Variants in DNAJC2 observed in about 807,000 individuals in gnomAD.
The protein encoded by DNAJC2 is dnaJ homolog subfamily C member 2.
Under a neutral mutation model 94.0 loss-of-function variants are expected in DNAJC2, and 32 were observed. The ratio of observed to expected loss-of-function variants is 0.34; its 90% CI spans 0.26 to 0.46. The LOEUF (loss-of-function observed/expected upper bound fraction) is 0.46. DNAJC2 is among the 20% of genes least tolerant of loss of function. DNAJC2 has a pLI of 1.00. For missense variants in DNAJC2, 550 were observed against 719.5 expected (o/e 0.76, Z 2.69); for synonymous variants, 210 against 229.7 (o/e 0.91, Z 0.77).
At chr7:103,337,490 T>C (rs1563473358) in intron 3 of DNAJC2, 4 of 363,202 alleles carry the variant, frequency 1.1e-5, no homozygotes, top group Non-Finnish European at 2.0e-5. Flanking sequence ...GAGTATTTTG[T>C]ATCCACACAC....
chr7:103,334,590 G>C (rs535194026), intron 3 of DNAJC2, among the ~76,000 whole-genome samples: 2 of 146,488 alleles, frequency 1.4e-5, no homozygotes, highest in South Asian at 4.5e-4. Flanking sequence ...AAAAAGAAAA[G>C]AAATCTTGAA....
intron 2 of DNAJC2, among the ~76,000 whole-genome samples, chr7:103,338,130 T>C (rs1819245344): frequency 6.6e-6 from 1 of 151,968 alleles, no homozygotes. Context: ...ATTAGCTGGG[T>C]GTGGTGGTGT....
At position 103,342,703 on chromosome 7, in the gene DNAJC2, G is replaced by C. The variant is rs928453374; in HGVS notation, c.65-749C>G. On this transcript the variant is annotated intron_variant, in intron 1 of 16. Coordinates refer to ENST00000379263, the MANE Select transcript of DNAJC2 (RefSeq NM_014377.3). ...GGCTCACTGAAAGCTCCGCCTCCCG[G>C]GTTCAAGCGATTCTCCTGCCTCAGC... Among the ~76,000 whole-genome samples, 8 of 151,854 alleles carry C rather than the reference G, an allele frequency of 5.3e-5. No individual in the cohort carries two copies. In the East Asian group the frequency reaches 1.4e-3, roughly 26 times the overall value.
chr7:103,330,634 T>G (rs1164861597), intron 3 of DNAJC2, among the ~76,000 whole-genome samples: 2 of 151,832 alleles, frequency 1.3e-5, no homozygotes, highest in East Asian at 3.9e-4. Context: ...ATATTTTTAG[T>G]AGAGACAGGG....
intron 1 of DNAJC2, among the ~76,000 whole-genome samples, chr7:103,342,983 T>C (rs900293411): frequency 3.8e-4 from 58 of 151,916 alleles, no homozygotes; most frequent in Admixed American, 1.3e-4. Context: ...AAATAAAAAA[T>C]CTAAAAACAA....
In DNAJC2 at chr7:103,327,658, T is replaced by G; in HGVS notation, c.428A>C (p.Lys143Thr). The G allele has an allele frequency of 6.3e-7, 1 of 1,585,464 alleles. No individual in the cohort carries two copies. The highest frequency in any genetic ancestry group is 8.6e-7 in the Non-Finnish European group (1 of 1,158,512). ...GDNDYFTCIT[K>T]AYEMLSDPVK... ...CTGACTCTAAAGCATTTTCTTACCT[T>G]TAGTTATGCAAGTGAAGTAGTCATT... Residue 143 changes from lysine to threonine, a missense_variant and splice_region_variant, in exon 4 of 17, where the codon AAA becomes ACA. Coordinates refer to ENST00000379263, the MANE Select transcript of DNAJC2 (RefSeq NM_014377.3).
intron 10 of DNAJC2, among the ~76,000 whole-genome samples, chr7:103,321,202 CAAT>C (rs1298499768): frequency 2.6e-5 from 4 of 151,552 alleles, no homozygotes; most frequent in African/African-American, 9.7e-5. Context: ...TCAACAACAA[CAAT>C]AACAAAAACT....
chr7:103,330,271 T>C (rs951529394), intron 3 of DNAJC2, among the ~76,000 whole-genome samples: 1 of 152,158 alleles, frequency 6.6e-6, no homozygotes, highest in South Asian at 2.1e-4. Context: ...TAGTGTACTA[T>C]TAAATTGCAT....
At chr7:103,315,543 C>T (rs1818002513) in intron 15 of DNAJC2, among the ~76,000 whole-genome samples, 1 of 152,108 alleles carries the variant, frequency 6.6e-6, no homozygotes, top group Non-Finnish European at 1.5e-5. Context: ...GCAAAACAAA[C>T]AGCCCCCTTC....
At chr7:103,313,446 A>T (rs1817871707) in intron 15 of DNAJC2, 4 of 984,896 alleles carry the variant, frequency 4.1e-6, no homozygotes, top group South Asian at 9.4e-5. Flanking sequence ...ACTCAAAAAC[A>T]CAACCACAAT....
At position 103,319,766 on chromosome 7, in the gene DNAJC2, C is replaced by A. The variant is rs75518967; in HGVS notation, c.1162G>T (p.Glu388Ter). The A allele has an allele frequency of 6.2e-7, 1 of 1,614,206 alleles. No individual in the cohort carries two copies. Among genetic ancestry groups the A allele is most frequent in the Non-Finnish European group, 8.5e-7 (1 of 1,180,046 alleles). The change falls in exon 11 of 17, where the codon GAA becomes TAA. Residue 388 changes from glutamate to a stop codon, truncating the protein, a stop_gained. Coordinates refer to ENST00000379263, the MANE Select transcript of DNAJC2 (RefSeq NM_014377.3). LOFTEE classifies it high-confidence loss of function. ...EEVEKLCDRL[E>*]LASLQCLNET... ...GTTCCATAGGTATACCTTGCCAGTTCAAGCCGATCACAAAGTTTTTCCACT... is the reference window on the plus strand; with the variant it reads ...GTTCCATAGGTATACCTTGCCAGTTAAAGCCGATCACAAAGTTTTTCCACT...
intron 3 of DNAJC2, among the ~76,000 whole-genome samples, chr7:103,333,953 T>C (rs1819068446): frequency 6.8e-6 from 1 of 146,092 alleles, no homozygotes; most frequent in African/African-American, 2.5e-5. Context: ...TTGTGAACAT[T>C]TTTTTTTTTT....
intron 3 of DNAJC2, among the ~76,000 whole-genome samples, chr7:103,328,396 C>T (rs1359974085): frequency 1.3e-5 from 2 of 151,760 alleles, no homozygotes; most frequent in South Asian, 2.1e-4. Flanking sequence ...TTTGGGAGGC[C>T]GAGCTGGGAG....
chr7:103,312,871 T>G, intron 16 of DNAJC2, 76 bp downstream of exon 16: 1 of 1,551,632 alleles, frequency 6.4e-7, no homozygotes, highest in Non-Finnish European at 8.7e-7. Context: ...AACCACTTAA[T>G]AGACATAAAA....
At chr7:103,340,084 C>T (rs949491327) in intron 2 of DNAJC2, among the ~76,000 whole-genome samples, 12 of 152,108 alleles carry the variant, frequency 7.9e-5, no homozygotes, top group Admixed American at 3.9e-4. Flanking sequence ...GTGATCTGCC[C>T]GCCTCAGCCT....
chr7:103,321,724 C>A (rs1391677544), intron 10 of DNAJC2, among the ~76,000 whole-genome samples: 1 of 152,166 alleles, frequency 6.6e-6, no homozygotes, highest in East Asian at 1.9e-4. Flanking sequence ...TGGCACACGC[C>A]TGTAATCCCA....
intron 2 of DNAJC2, among the ~76,000 whole-genome samples, chr7:103,339,705 G>A (rs1251046536): frequency 2.0e-5 from 3 of 151,788 alleles, no homozygotes; most frequent in Non-Finnish European, 4.4e-5. Flanking sequence ...AGGTTCAAGC[G>A]ATTCTCCTGT....
At chr7:103,339,745 G>A (rs60006777) in intron 2 of DNAJC2, among the ~76,000 whole-genome samples, 10 of 152,018 alleles carry the variant, frequency 6.6e-5, no homozygotes, top group Admixed American at 2.6e-4. Context: ...GGGATTATAA[G>A]CATGTGCCAC....
At chr7:103,315,898 T>C (rs371053692) in intron 14 of DNAJC2, 27 bp from the exon 15 acceptor site, 28 of 1,562,124 alleles carry the variant, frequency 1.8e-5, no homozygotes, top group Non-Finnish European at 2.5e-5. Flanking sequence ...ATTTAATACT[T>C]AACAGATCAT....
Sources: allele counts gnomAD v4.1 joint callset (sites outside exome capture counted in the v4.1 genomes callset), GRCh38; gene constraint gnomAD v4.1.1; transcripts MANE v1.5; gene names NCBI Gene and HGNC (gene_info 2026-07-23, HGNC 2026-07-21).